Variants in SLC35F4 observed in about 807,000 individuals in gnomAD.
SLC35F4 encodes the protein chromosome 14 open reading frame 36.
SLC35F4 carries 24 observed loss-of-function variants against 44.2 expected under a neutral mutation model. The observed-to-expected ratio is 0.54, with a 90% CI of 0.39 to 0.76. The LOEUF (loss-of-function observed/expected upper bound fraction) is 0.76, where lower values mean the gene tolerates loss of function less well. Among genes scored for constraint, SLC35F4 ranks in the 30% least tolerant of loss-of-function variants. The pLI is 0.00. For missense variants in SLC35F4, 562 were observed against 586.1 expected, an observed-to-expected ratio of 0.96 and a Z score of 0.42; for synonymous variants, 238 against 223.6, an observed-to-expected ratio of 1.06 and a Z score of -0.57.
At chr14:57,576,487 T>C (rs1001017014) in intron 4 of SLC35F4, among the ~76,000 whole-genome samples, 3 of 152,186 alleles carry the variant, frequency 2.0e-5, no homozygotes, top group Non-Finnish European at 2.9e-5. Flanking sequence ...CTAATGATTA[T>C]CTCTCTGGGT....
Position 57,737,827 on chromosome 14 carries a change from C to G in SLC35F4, c.103+127896G>C, listed in dbSNP as rs529893747. ...GCTTGGCACTCACTGCCTCCAAGGGCAGAGCAGTTGAATTAATCCTTTCCA... is the reference window on the plus strand; with the variant it reads ...GCTTGGCACTCACTGCCTCCAAGGGGAGAGCAGTTGAATTAATCCTTTCCA... On this transcript the variant is annotated intron_variant, in intron 1 of 7. Transcript: ENST00000556826. Among the ~76,000 whole-genome samples, 9 of 152,304 alleles carry G rather than the reference C, an allele frequency of 5.9e-5. No individual in the cohort carries two copies. In the South Asian group the frequency reaches 1.9e-3, roughly 32 times the overall value.
intron 1 of SLC35F4, among the ~76,000 whole-genome samples, chr14:57,886,352 TGGA>T: frequency 6.6e-6 from 1 of 152,314 alleles, no homozygotes; most frequent in African/African-American, 2.4e-5. Context: ...GAAGATCAAC[TGGA>T]GAAGAATCTG....
At chr14:57,911,310 T>C (rs887897084) in intron 1 of SLC35F4, among the ~76,000 whole-genome samples, 2 of 152,002 alleles carry the variant, frequency 1.3e-5, no homozygotes, top group Non-Finnish European at 2.9e-5. Context: ...AGCCAGAACT[T>C]CTAGTATGAT....
chr14:57,914,978 G>T (rs1403713263), intron 1 of SLC35F4, among the ~76,000 whole-genome samples: 1 of 152,166 alleles, frequency 6.6e-6, no homozygotes, highest in Non-Finnish European at 1.5e-5. Context: ...TCCCCAGGTG[G>T]TCTGTAGCAT....
chr14:57,905,095 C>T (rs808214), intron 1 of SLC35F4, among the ~76,000 whole-genome samples: 29,637 of 152,168 alleles, frequency 0.19, 3,098 homozygotes, highest in South Asian at 0.23. Context: ...GCTTGAGCCT[C>T]TCATGAGTTG....
intron 1 of SLC35F4, among the ~76,000 whole-genome samples, chr14:57,941,493 T>G (rs148091744): frequency 6.6e-6 from 1 of 152,210 alleles, no homozygotes; most frequent in East Asian, 1.9e-4. Flanking sequence ...GGTAAATACA[T>G]AGATGCAGAA....
In SLC35F4 at chr14:57,978,071, G is replaced by A. The variant is rs963069001; in HGVS notation, n.152-1114C>T. ...AGAAGTATACAAATCTTTGTATCGT[G>A]CATTCATGCCCATCAGTGGGCGCCA... On this transcript the variant is annotated intron_variant and non_coding_transcript_variant, in intron 1 of 1. Coordinates refer to the SLC35F4 transcript ENST00000554648. Among the ~76,000 whole-genome samples the A allele has an allele frequency of 5.3e-5, 8 of 152,286 alleles. No homozygotes were observed. In the East Asian group the frequency reaches 7.7e-4, roughly 15 times the overall value.
chr14:57,975,434 C>G (rs544914822), downstream of SLC35F4, among the ~76,000 whole-genome samples: 1 of 152,296 alleles, frequency 6.6e-6, no homozygotes, highest in African/African-American at 2.4e-5. Flanking sequence ...AAAGACCACT[C>G]GTGGGAAAAG....
At chr14:57,895,706 T>C (rs1888856970) in intron 1 of SLC35F4, among the ~76,000 whole-genome samples, 1 of 152,086 alleles carries the variant, frequency 6.6e-6, no homozygotes, top group African/African-American at 2.4e-5. Flanking sequence ...CTCCCAGTCA[T>C]GCTTTCTGTT....
chr14:57,616,899 C>T (rs11624435), intron 1 of SLC35F4, among the ~76,000 whole-genome samples: 2 of 152,104 alleles, frequency 1.3e-5, no homozygotes, highest in Admixed American at 1.3e-4. Context: ...CTTAGCCCCT[C>T]TTCTTCCTCG....
intron 1 of SLC35F4, among the ~76,000 whole-genome samples, chr14:57,816,896 C>T (rs771097198): frequency 1.3e-4 from 20 of 152,182 alleles, no homozygotes; most frequent in Non-Finnish European, 1.9e-4. Context: ...TTTGCCTTTC[C>T]CTCCTCTGTT....
chr14:57,965,197 C>T (rs1000040609), intron 1 of SLC35F4, among the ~76,000 whole-genome samples: 2 of 151,958 alleles, frequency 1.3e-5, no homozygotes, highest in African/African-American at 2.4e-5. Flanking sequence ...CATTCCTGTC[C>T]GGAGAAGTTA....
chr14:57,726,672 A>G (rs10129902), intron 1 of SLC35F4, among the ~76,000 whole-genome samples: 60,233 of 151,946 alleles, frequency 0.4, 11,960 homozygotes, highest in Middle Eastern at 0.42. Context: ...GTCTTTATTC[A>G]ATGATTATGT....
intron 1 of SLC35F4, among the ~76,000 whole-genome samples, chr14:57,811,999 A>C (rs1882023217): frequency 6.6e-6 from 1 of 152,120 alleles, no homozygotes; most frequent in East Asian, 1.9e-4. Context: ...AAAAAATAAT[A>C]ATAAGGTCAA....
At chr14:57,881,312 G>A (rs1405474891) in intron 1 of SLC35F4, among the ~76,000 whole-genome samples, 1 of 152,172 alleles carries the variant, frequency 6.6e-6, no homozygotes, top group Non-Finnish European at 1.5e-5. Context: ...TCATAAGGGT[G>A]CCTCCTACTC....
At chr14:57,912,916 G>A (rs191129099) in intron 1 of SLC35F4, among the ~76,000 whole-genome samples, 8 of 151,984 alleles carry the variant, frequency 5.3e-5, no homozygotes, top group African/African-American at 9.6e-5. Flanking sequence ...AAGTTCTATC[G>A]GTTTCTTTCC....
At chr14:57,677,723 A>G (rs2074744690) in intron 1 of SLC35F4, among the ~76,000 whole-genome samples, 1 of 152,070 alleles carries the variant, frequency 6.6e-6, no homozygotes, top group Non-Finnish European at 1.5e-5. Context: ...ATATATGCAT[A>G]AAATGAAAGG....
chr14:57,873,464 G>T (rs187536126), intron 1 of SLC35F4, among the ~76,000 whole-genome samples: 1 of 152,100 alleles, frequency 6.6e-6, no homozygotes, highest in Non-Finnish European at 1.5e-5. Context: ...TATCCATTGG[G>T]TAGAATACAC....
At chr14:57,621,649 C>T (rs549827024) in intron 1 of SLC35F4, among the ~76,000 whole-genome samples, 72 of 152,264 alleles carry the variant, frequency 4.7e-4, no homozygotes, top group African/African-American at 1.7e-3. Context: ...TTCCTTATAC[C>T]TTATACAAAA....
Sources: allele counts gnomAD v4.1 joint callset (sites outside exome capture counted in the v4.1 genomes callset), GRCh38; gene constraint gnomAD v4.1.1; transcripts MANE v1.5; gene names NCBI Gene and HGNC (gene_info 2026-07-23, HGNC 2026-07-21).